The following LHFPL4 variants were observed in gnomAD, a reference collection of about 807,000 sequenced individuals.
LHFPL4 encodes the protein LHFPL tetraspan subfamily member 4.
A neutral mutation model predicts 20.0 loss-of-function variants in LHFPL4; 6 were observed. That is an observed-to-expected ratio of 0.30 (90% confidence interval 0.16 to 0.59). LHFPL4 has a LOEUF of 0.59. Among genes scored for constraint, LHFPL4 ranks in the 20% least tolerant of loss-of-function variants. LHFPL4 has a pLI of 0.88. For synonymous variants in LHFPL4, 129 were observed against 143.8 expected, an observed-to-expected ratio of 0.90 and a Z score of 0.74; for missense variants, 215 against 331.2, an observed-to-expected ratio of 0.65 and a Z score of 2.72.
chr3:9,529,727 C>G (rs1408927602), intron 2 of LHFPL4, among the ~76,000 whole-genome samples: 1 of 152,014 alleles, frequency 6.6e-6, no homozygotes, highest in African/African-American at 2.4e-5. Flanking sequence ...TTCTACCTCC[C>G]GGGTTCAAGC....
chr3:9,509,000 G>T (rs2648422), intron 2 of LHFPL4, among the ~76,000 whole-genome samples: 25 of 152,000 alleles, frequency 1.6e-4, no homozygotes, highest in Non-Finnish European at 3.2e-4. Context: ...TGCAGTAGTC[G>T]GTGGCTCCCG....
chr3:9,504,622 G>A (rs1038174924), intron 3 of LHFPL4, among the ~76,000 whole-genome samples: 8 of 152,064 alleles, frequency 5.3e-5, no homozygotes, highest in East Asian at 1.9e-4. Flanking sequence ...TCAGAAGATC[G>A]AGACCATCCT....
chr3:9,526,137 A>C (rs1453504136), intron 2 of LHFPL4, among the ~76,000 whole-genome samples: 3 of 152,244 alleles, frequency 2.0e-5, no homozygotes, highest in Admixed American at 6.5e-5. Context: ...TGAAAGGACA[A>C]ACACTGTATG....
chr3:9,543,795 A>G (rs1236349879), intron 2 of LHFPL4, among the ~76,000 whole-genome samples: 3 of 146,066 alleles, frequency 2.1e-5, no homozygotes. Flanking sequence ...CAGTGGCACA[A>G]TCACGGCTCA....
chr3:9,517,777 T>C (rs2046312658), intron 2 of LHFPL4, among the ~76,000 whole-genome samples: 1 of 150,290 alleles, frequency 6.7e-6, no homozygotes, highest in African/African-American at 2.4e-5. Flanking sequence ...TCTGCAATCT[T>C]GCTATAGGAG....
intron 3 of LHFPL4, among the ~76,000 whole-genome samples, chr3:9,504,559 C>T (rs2046202502): frequency 6.6e-6 from 1 of 152,114 alleles, no homozygotes; most frequent in Non-Finnish European, 1.5e-5. Context: ...GGCACGGTGG[C>T]TCACACCTGT....
At chr3:9,524,787 T>C (rs1406171429) in intron 2 of LHFPL4, among the ~76,000 whole-genome samples, 1 of 152,236 alleles carries the variant, frequency 6.6e-6, no homozygotes, top group Admixed American at 6.5e-5. Context: ...AACTGTGTTT[T>C]TGCCTTTTAG....
chr3:9,517,196 T>C (rs529512525), intron 2 of LHFPL4, among the ~76,000 whole-genome samples: 24 of 152,290 alleles, frequency 1.6e-4, no homozygotes, highest in Admixed American at 4.6e-4. Context: ...TCTGGGTCTT[T>C]TGCCTCTCCA....
chr3:9,511,934 GTT>G (rs59301468), intron 2 of LHFPL4, among the ~76,000 whole-genome samples: 69,635 of 141,946 alleles, frequency 0.49, 16,555 homozygotes, highest in African/African-American at 0.54. Flanking sequence ...CATGGCGACT[GTT>G]TTTTTTTTTT....
At chr3:9,530,631 C>T (rs2046403024) in intron 2 of LHFPL4, among the ~76,000 whole-genome samples, 1 of 152,198 alleles carries the variant, frequency 6.6e-6, no homozygotes, top group African/African-American at 2.4e-5. Context: ...CACTTTATTT[C>T]ATTCAAGAAC....
chr3:9,518,925 G>GTTTGTTTATTTA (rs1553647114), intron 2 of LHFPL4, among the ~76,000 whole-genome samples: 5,617 of 145,090 alleles, frequency 0.039, 157 homozygotes, highest in Non-Finnish European at 0.059. Context: ...GCTAATTTTT[G>GTTTGTTTATTTA]TTTATTTATT....
chr3:9,501,005 C>G lies in LHFPL4; in HGVS notation c.*1206G>C, dbSNP rs547346996. 2.6e-5 allele frequency: 4 copies of G among 153,264 alleles called. No individual in the cohort carries two copies. Among genetic ancestry groups the G allele is most frequent in the African/African-American group, 9.6e-5 (4 of 41,592 alleles). 9.5% of individuals were successfully genotyped at this position (153,264 alleles called of 1,614,324 possible). A position where few individuals can be genotyped will look rare whatever the true frequency, so the allele number is the denominator to read the frequency against. On this transcript the variant is annotated 3_prime_UTR_variant, in exon 4 of 4. Coordinates refer to ENST00000287585, the MANE Select transcript of LHFPL4 (RefSeq NM_198560.3). ...CGCACACACATTTCACCCACATACACATACACTCATGCCTCGGCTCCAAGC... is the reference window on the plus strand; with the variant it reads ...CGCACACACATTTCACCCACATACAGATACACTCATGCCTCGGCTCCAAGC...
At chr3:9,511,965 C>G (rs986908536) in intron 2 of LHFPL4, among the ~76,000 whole-genome samples, 1 of 150,774 alleles carries the variant, frequency 6.6e-6, no homozygotes, top group African/African-American at 2.4e-5. Flanking sequence ...CGGAATCTGG[C>G]TCTGTCGCCC....
At chr3:9,518,276 C>A (rs2125658953) in intron 2 of LHFPL4, among the ~76,000 whole-genome samples, 1 of 152,116 alleles carries the variant, frequency 6.6e-6, no homozygotes, top group East Asian at 1.9e-4. Context: ...CATGGTGTAC[C>A]ATTCTTTTTA....
intron 2 of LHFPL4, among the ~76,000 whole-genome samples, chr3:9,543,799 C>A (rs537762092): frequency 1.2e-3 from 163 of 136,896 alleles, no homozygotes; most frequent in African/African-American, 4.6e-3. Flanking sequence ...GGCACAATCA[C>A]GGCTCAGTGC....
intron 3 of LHFPL4, among the ~76,000 whole-genome samples, chr3:9,505,706 G>A (rs2046213205): frequency 6.6e-6 from 1 of 152,162 alleles, no homozygotes; most frequent in Non-Finnish European, 1.5e-5. Flanking sequence ...TTACAGGCGT[G>A]AGCCACCGTG....
At chr3:9,514,612 A>T (rs1428909691) in intron 2 of LHFPL4, among the ~76,000 whole-genome samples, 2 of 152,212 alleles carry the variant, frequency 1.3e-5, no homozygotes, top group Non-Finnish European at 2.9e-5. Flanking sequence ...GTAGCATATC[A>T]TACAGAGTAT....
rs2046414227 is a variant in LHFPL4, at chr3:9,532,239, G to A, written c.406+20035C>T. Among the ~76,000 whole-genome samples, 2 of 152,146 alleles carry A rather than the reference G, an allele frequency of 1.3e-5. 1 individual carries two copies. Among genetic ancestry groups the A allele is most frequent in the South Asian group, 4.2e-4 (2 of 4,810 alleles). On this transcript the variant is annotated intron_variant, in intron 2 of 3. Transcript: ENST00000287585. The stretch of plus-strand genomic sequence containing the variant: ...AGACGGGATTTCACCATGTTGGCCA[G>A]GCTGGTCTCGAACTCCTGACCTTAG...
At chr3:9,546,924 C>G (rs2046518440) in intron 2 of LHFPL4, among the ~76,000 whole-genome samples, 1 of 152,140 alleles carries the variant, frequency 6.6e-6, no homozygotes, top group Admixed American at 6.6e-5. Flanking sequence ...AGAGGCAAAC[C>G]CATTTCTCCA....
Sources: allele counts gnomAD v4.1 joint callset (sites outside exome capture counted in the v4.1 genomes callset), GRCh38; gene constraint gnomAD v4.1.1; transcripts MANE v1.5; gene names NCBI Gene and HGNC (gene_info 2026-07-23, HGNC 2026-07-21).